KIFAP3: variants seen among roughly 807,000 people sequenced by gnomAD.
The protein encoded by KIFAP3 is kinesin-associated protein 3.
In KIFAP3, 68 loss-of-function variants were observed where a neutral mutation model predicts 106.5. That is an observed-to-expected ratio of 0.64 (90% CI 0.53 to 0.78). The LOEUF is 0.78. Ranked by LOEUF, KIFAP3 falls within the 30% of genes least tolerant of loss-of-function variation. The pLI, the probability that KIFAP3 is intolerant of heterozygous loss-of-function variation, is 0.00. For missense variants in KIFAP3, 780 were observed against 941.8 expected, an observed-to-expected ratio of 0.83 and a Z score of 2.25; for synonymous variants, 320 against 311.5, an observed-to-expected ratio of 1.03 and a Z score of -0.29.
In KIFAP3 at chr1:170,034,253, T is replaced by G. The variant is rs1669562259; in HGVS notation, c.742+119A>C. ...AACCTTCAATAACACACTCCTGCAT[T>G]GTTTCCAAGTAATGTAATTAACAAT... On this transcript the variant is annotated intron_variant, in intron 7 of 19. Coordinates refer to ENST00000361580, the MANE Select transcript of KIFAP3 (RefSeq NM_014970.4). 4.5e-6 allele frequency: 4 copies of G among 881,310 alleles called. No individual in the cohort carries two copies. The East Asian group carries it at 1.1e-4, about 24-fold the overall frequency. 54.6% of individuals were successfully genotyped at this position (881,310 alleles called of 1,614,324 possible).
rs780879678 is a variant in KIFAP3 at position 170,032,003 on chromosome 1, A to T, written c.743-19T>A. The T allele has an allele frequency of 1.4e-6, 2 of 1,473,670 alleles. No homozygotes were observed. The highest frequency in any genetic ancestry group is 2.3e-5 in the South Asian group (2 of 86,442). 91.3% of individuals were successfully genotyped at this position (1,473,670 alleles called of 1,614,324 possible). ...TCATCAAGTAAACAACTTGTTAAGGATCATCCATACTCATTGAAGCAAAAA... is the reference window on the plus strand; with the variant it reads ...TCATCAAGTAAACAACTTGTTAAGGTTCATCCATACTCATTGAAGCAAAAA... On this transcript the variant is annotated intron_variant, in intron 7 of 19. Transcript: ENST00000361580.
intron 19 of KIFAP3, among the ~76,000 whole-genome samples, chr1:169,944,827 G>C (rs920982843): frequency 6.6e-6 from 1 of 152,102 alleles, no homozygotes; most frequent in Non-Finnish European, 1.5e-5. Context: ...GGTTTTTCTA[G>C]GCTCAGAAGG....
chr1:170,079,589 T>C (rs2421110), upstream of KIFAP3, among the ~76,000 whole-genome samples: 9,587 of 152,248 alleles, frequency 0.063, 389 homozygotes, highest in Non-Finnish European at 0.095. Context: ...TATATGGGTT[T>C]ACTTCTGGGT....
chr1:170,065,613 CAAAAAAAAA>C (rs71125225), intron 1 of KIFAP3, among the ~76,000 whole-genome samples: 26 of 49,878 alleles, frequency 5.2e-4, no homozygotes, highest in African/African-American at 1.6e-3. Flanking sequence ...GACTCCACCT[CAAAAAAAAA>C]AAAAAAAAAA....
At chr1:169,952,948 C>A (rs1392222538) in intron 19 of KIFAP3, among the ~76,000 whole-genome samples, 2 of 151,952 alleles carry the variant, frequency 1.3e-5, no homozygotes, top group Non-Finnish European at 2.9e-5. Context: ...GTGAACATAT[C>A]TTACACATAG....
chr1:169,969,036 T>C (rs535605398), intron 17 of KIFAP3, among the ~76,000 whole-genome samples: 7 of 151,984 alleles, frequency 4.6e-5, no homozygotes, highest in African/African-American at 1.7e-4. Flanking sequence ...GATTAAGAAA[T>C]AAAAATCAAA....
At chr1:169,968,292 C>T (rs1246612642) in intron 17 of KIFAP3, among the ~76,000 whole-genome samples, 2 of 151,802 alleles carry the variant, frequency 1.3e-5, no homozygotes, top group Non-Finnish European at 2.9e-5. Context: ...CATTATGAAG[C>T]CTTAACTAGC....
upstream of KIFAP3, among the ~76,000 whole-genome samples, chr1:170,076,219 A>G (rs1270352955): frequency 6.6e-6 from 1 of 152,152 alleles, no homozygotes; most frequent in Non-Finnish European, 1.5e-5. Flanking sequence ...AACAATAGCA[A>G]CAACAACAAC....
intron 2 of KIFAP3, among the ~76,000 whole-genome samples, chr1:170,051,610 C>T (rs1670579841): frequency 6.6e-6 from 1 of 152,138 alleles, no homozygotes; most frequent in African/African-American, 2.4e-5. Context: ...CAATCCTCAG[C>T]AAATGCAGAA....
At chr1:170,033,008 T>C (rs1330003006) in intron 7 of KIFAP3, among the ~76,000 whole-genome samples, 1 of 151,690 alleles carries the variant, frequency 6.6e-6, no homozygotes, top group Non-Finnish European at 1.5e-5. Context: ...CCACTAGTGG[T>C]TCCCTCCATA....
Position 170,013,444 on chromosome 1 carries a change from T to C in KIFAP3, c.1183+3018A>G, listed in dbSNP as rs1668346057. Reference sequence around the variant, plus strand: ...TTTTCCCTATTCATATATACTATTATTATCTACATACTGAAGATGAGAAAA... The same window carrying C: ...TTTTCCCTATTCATATATACTATTACTATCTACATACTGAAGATGAGAAAA... On this transcript the variant is annotated intron_variant, in intron 10 of 19. Coordinates refer to ENST00000361580, the MANE Select transcript of KIFAP3 (RefSeq NM_014970.4). Among the ~76,000 whole-genome samples the C allele has an allele frequency of 9.3e-5, 14 of 150,252 alleles. No individual in the cohort carries two copies. In the Admixed American group the frequency reaches 9.3e-4, roughly 10 times the overall value.
At chr1:169,971,642 C>T (rs1157181257) in intron 17 of KIFAP3, among the ~76,000 whole-genome samples, 1 of 151,894 alleles carries the variant, frequency 6.6e-6, no homozygotes, top group Non-Finnish European at 1.5e-5. Flanking sequence ...TTCCTGATTA[C>T]ATCACTAGCA....
Position 169,984,625 on chromosome 1 carries a change from A to G in KIFAP3, c.1350T>C (p.Ile450=), listed in dbSNP as rs1394568593. 2 of 1,608,558 alleles carry G rather than the reference A, an allele frequency of 1.2e-6. No homozygotes were observed. The highest frequency in any genetic ancestry group is 2.7e-5 in the African/African-American group (2 of 74,890). ...RIDLELISFC[I]NLAANKRNVQ... is the part of the protein sequence containing the mutation. ...CATTTCTTTTGTTAGCAGCAAGATTAATGCAGAAAGAAATGAGTTCCAAGT... is the reference window on the plus strand; with the variant it reads ...CATTTCTTTTGTTAGCAGCAAGATTGATGCAGAAAGAAATGAGTTCCAAGT... Residue 450 remains isoleucine (I), a synonymous_variant, in exon 12 of 20, where the codon ATT becomes ATC. Coordinates refer to ENST00000361580, the MANE Select transcript of KIFAP3 (RefSeq NM_014970.4).
rs566027816 is a variant in KIFAP3, at chr1:169,956,255, T to C, written c.2174-2145A>G. 2.0e-5 allele frequency among the ~76,000 whole-genome samples: 3 copies of C among 152,230 alleles called. No individual in the cohort carries two copies. The South Asian group carries it at 6.2e-4, about 32-fold the overall frequency. ...GAATTTAACACTAAGAAATATTTCATAAATAAAGCCAAATGAAAAGATATG... is the reference window on the plus strand; with the variant it reads ...GAATTTAACACTAAGAAATATTTCACAAATAAAGCCAAATGAAAAGATATG... On this transcript the variant is annotated intron_variant, in intron 18 of 19. Coordinates refer to ENST00000361580, the MANE Select transcript of KIFAP3 (RefSeq NM_014970.4).
At chr1:169,991,995 T>C (rs1667129348) in intron 11 of KIFAP3, among the ~76,000 whole-genome samples, 160 bp downstream of exon 11, 1 of 152,096 alleles carries the variant, frequency 6.6e-6, no homozygotes, top group Non-Finnish European at 1.5e-5. Flanking sequence ...GTTATTTTCA[T>C]TTTTATACAG....
At chr1:169,928,446 A>T (rs1018221087) in intron 19 of KIFAP3, among the ~76,000 whole-genome samples, 1 of 152,002 alleles carries the variant, frequency 6.6e-6, no homozygotes, top group Non-Finnish European at 1.5e-5. Flanking sequence ...GCTGTTGCTT[A>T]TGCCTAAAAT....
In KIFAP3 at chr1:170,004,061, C is replaced by G. The variant is rs372586982; in HGVS notation, c.1184-11806G>C. Among the ~76,000 whole-genome samples, 450 of 152,196 alleles carry G rather than the reference C, an allele frequency of 3.0e-3. 12 individuals are homozygous for G. The South Asian group carries it at 0.056, about 19-fold the overall frequency. ...AAAAATCACAAGCATTCTTATACAC[C>G]AATAACAGACAGAGAGCCAAATCAT... is the stretch of plus-strand genomic sequence containing the variant. On this transcript the variant is annotated intron_variant, in intron 10 of 19. Transcript: ENST00000361580.
At position 170,074,493 on chromosome 1, in the gene KIFAP3, G is replaced by C. The variant is rs756772433; in HGVS notation, c.-26C>G. Reference sequence around the variant, plus strand: ...GGCGGCAGCGGCAGCGGCGTGGAGAGGATGGGGTATCTTGAGAGGCAGGCG... The same window carrying C: ...GGCGGCAGCGGCAGCGGCGTGGAGACGATGGGGTATCTTGAGAGGCAGGCG... On this transcript the variant is annotated 5_prime_UTR_variant, in exon 1 of 20. Coordinates refer to ENST00000361580, the MANE Select transcript of KIFAP3 (RefSeq NM_014970.4). 2 of 1,610,402 alleles carry C rather than the reference G, an allele frequency of 1.2e-6. No homozygotes were observed. Among genetic ancestry groups the C allele is most frequent in the East Asian group, 2.2e-5 (1 of 44,880 alleles).
intron 10 of KIFAP3, among the ~76,000 whole-genome samples, chr1:169,994,205 A>C (rs1290563373): frequency 6.6e-6 from 1 of 152,232 alleles, no homozygotes; most frequent in Non-Finnish European, 1.5e-5. Context: ...AGTTTAGAGA[A>C]AAATAAATAC....
Sources: allele counts gnomAD v4.1 joint callset (sites outside exome capture counted in the v4.1 genomes callset), GRCh38; gene constraint gnomAD v4.1.1; transcripts MANE v1.5; gene names NCBI Gene and HGNC (gene_info 2026-07-23, HGNC 2026-07-21).